Variants in RNF17 observed in about 807,000 individuals in gnomAD.
RNF17 encodes the protein spermatogenesis associated 23.
In RNF17, 31 loss-of-function variants were observed where a neutral mutation model predicts 200.5. The observed-to-expected ratio is 0.15, with a 90% CI of 0.12 to 0.21. The LOEUF (loss-of-function observed/expected upper bound fraction) is 0.21, where lower values mean the gene tolerates loss of function less well. Among genes scored for constraint, RNF17 ranks in the 10% least tolerant of loss-of-function variants. RNF17 has a pLI of 1.00. For synonymous variants in RNF17, 606 were observed against 637.8 expected, an observed-to-expected ratio of 0.95 and a Z score of 0.75; for missense variants, 1,628 against 1,905.1, an observed-to-expected ratio of 0.85 and a Z score of 2.71.
chr13:24,793,746 T>G (rs1009006699), intron 10 of RNF17, among the ~76,000 whole-genome samples: 2 of 152,208 alleles, frequency 1.3e-5, no homozygotes, highest in African/African-American at 4.8e-5. Context: ...CTATCATGAT[T>G]ACAATGTTAT....
chr13:24,818,959 C>G (rs1385715059), intron 15 of RNF17, among the ~76,000 whole-genome samples: 2 of 151,966 alleles, frequency 1.3e-5, no homozygotes, highest in Non-Finnish European at 2.9e-5. Flanking sequence ...TTCCTTCTTT[C>G]CTCCATTAGA....
chr13:24,869,934 A>ATTTTTTTT (rs34196797), intron 31 of RNF17, among the ~76,000 whole-genome samples: 2 of 83,756 alleles, frequency 2.4e-5, no homozygotes, highest in Non-Finnish European at 4.3e-5. Context: ...TGCCCAGCTA[A>ATTTTTTTT]TTTTTTTTTT....
chr13:24,866,044 C>A, intron 29 of RNF17, 100 bp from the exon 30 acceptor site: 1 of 686,032 alleles, frequency 1.5e-6, no homozygotes, highest in Non-Finnish European at 2.6e-6. Flanking sequence ...AAATGAATAC[C>A]AACAAGGAAA....
chr13:24,768,960 C>T (rs1228179907), intron 2 of RNF17, among the ~76,000 whole-genome samples: 2 of 149,658 alleles, frequency 1.3e-5, no homozygotes, highest in Admixed American at 1.3e-4. Context: ...TTAGTAGCTG[C>T]CTATTTTGTG....
At chr13:24,782,306 G>T (rs1430619459) in intron 6 of RNF17, among the ~76,000 whole-genome samples, 1 of 151,826 alleles carries the variant, frequency 6.6e-6, no homozygotes, top group East Asian at 1.9e-4. Flanking sequence ...CTTCAAAGTA[G>T]CTGGAACTAC....
rs1253553097 is a variant in RNF17, at chr13:24,783,368, G to T, written c.611+1424G>T. ...GTTCCTTTTCAAGATTGTTTCTCAGGGTCTCTTAAGATTTCATAGGACTTT... is the reference window on the plus strand; with the variant it reads ...GTTCCTTTTCAAGATTGTTTCTCAGTGTCTCTTAAGATTTCATAGGACTTT... On this transcript the variant is annotated intron_variant, in intron 6 of 35. Coordinates refer to ENST00000255324, the MANE Select transcript of RNF17 (RefSeq NM_031277.3). Among the ~76,000 whole-genome samples, 6 of 152,098 alleles carry T rather than the reference G, an allele frequency of 3.9e-5. No homozygotes were observed. The East Asian group carries it at 9.6e-4, about 24-fold the overall frequency.
At chr13:24,831,112 G>T (rs1475693078) in intron 17 of RNF17, among the ~76,000 whole-genome samples, 3 of 152,086 alleles carry the variant, frequency 2.0e-5, no homozygotes, top group African/African-American at 7.2e-5. Context: ...TTTCATTTTA[G>T]GAAGTGTGTA....
chr13:24,835,241 C>T (rs9511467), intron 18 of RNF17, among the ~76,000 whole-genome samples: 1 of 151,618 alleles, frequency 6.6e-6, no homozygotes, highest in African/African-American at 2.4e-5. Context: ...CCCTACCCCC[C>T]CTGGTAGCTG....
chr13:24,816,142 C>T (rs1255356263), intron 15 of RNF17, among the ~76,000 whole-genome samples: 1 of 152,164 alleles, frequency 6.6e-6, no homozygotes, highest in Non-Finnish European at 1.5e-5. Flanking sequence ...TGAAGTGATC[C>T]TTTCACCTTA....
At chr13:24,872,571 C>T (rs1894412827) in intron 32 of RNF17, among the ~76,000 whole-genome samples, 1 of 151,930 alleles carries the variant, frequency 6.6e-6, no homozygotes, top group African/African-American at 2.4e-5. Flanking sequence ...GTATCAGGTA[C>T]CGTGTTAGGA....
chr13:24,884,794 C>G (rs1953964585), downstream of RNF17, among the ~76,000 whole-genome samples: 2 of 152,182 alleles, frequency 1.3e-5, no homozygotes, highest in African/African-American at 4.8e-5. Flanking sequence ...CACTCCAACC[C>G]TATAATTTCA....
At chr13:24,872,204 C>A (rs537894970) in intron 32 of RNF17, among the ~76,000 whole-genome samples, 4 of 152,036 alleles carry the variant, frequency 2.6e-5, no homozygotes, top group South Asian at 4.2e-4. Flanking sequence ...AGATGATCTG[C>A]CCACCTCGGC....
At chr13:24,883,169 G>A (rs1162613988), downstream of RNF17, 4 of 1,611,800 alleles carry the variant, frequency 2.5e-6, no homozygotes. Context: ...ATGATCACAT[G>A]AGGATCGTCA....
At chr13:24,749,408 A>C in the RNF17 span, among the ~76,000 whole-genome samples, 119 of 147,404 alleles carry the variant, frequency 8.1e-4, no homozygotes, top group African/African-American at 2.8e-3. Context: ...GGTTCAAGCA[A>C]TTCTCCTTCC....
intron 16 of RNF17, among the ~76,000 whole-genome samples, chr13:24,827,087 G>GC (rs1566187419): frequency 6.6e-6 from 1 of 151,554 alleles, no homozygotes; most frequent in African/African-American, 2.4e-5. Flanking sequence ...AAGTCACCAC[G>GC]CCCGGCTAAT....
At chr13:24,850,772 G>GA (rs1485272674) in intron 23 of RNF17, among the ~76,000 whole-genome samples, 3 of 151,982 alleles carry the variant, frequency 2.0e-5, no homozygotes, top group Non-Finnish European at 4.4e-5. Flanking sequence ...TTTTGTAGGA[G>GA]AAAAAAGGCA....
intron 2 of RNF17, among the ~76,000 whole-genome samples, chr13:24,771,126 G>A (rs558184151): frequency 6.6e-6 from 1 of 151,914 alleles, no homozygotes; most frequent in African/African-American, 2.4e-5. Context: ...CTTTTGAATT[G>A]TCTTTTTCCT....
Position 24,868,934 on chromosome 13 carries a change from G to A in RNF17, c.4278+218G>A, listed in dbSNP as rs1355491329. On this transcript the variant is annotated intron_variant, in intron 31 of 35. Transcript: ENST00000255324. ...CCTACTGGGTTCCTGGTGTTGTGCT[G>A]CTTTATTCAATGTTATGCTTACATC... is the stretch of plus-strand genomic sequence containing the variant. Among the ~76,000 whole-genome samples the A allele has an allele frequency of 2.6e-5, 4 of 152,164 alleles. No homozygotes were observed. The East Asian group carries it at 5.8e-4, about 22-fold the overall frequency.
Position 24,860,970 on chromosome 13 carries a change from C to T in RNF17, c.3775-298C>T, listed in dbSNP as rs115737278. Among the ~76,000 whole-genome samples the T allele has an allele frequency of 7.5e-3, 1,140 of 151,974 alleles. 14 individuals are homozygous for T. Among genetic ancestry groups the T allele is most frequent in the African/African-American group, 0.025 (1,043 of 41,454 alleles). On this transcript the variant is annotated intron_variant, in intron 26 of 35. Transcript: ENST00000255324. ...ACAGCTCATTGCAGCCTTGACCTCC[C>T]GGGCTTAGGCAGTCCTCCCACCTCA...
Sources: gnomAD v4.1 joint callset for allele counts (sites outside exome capture counted in the v4.1 genomes callset) on GRCh38, gnomAD v4.1.1 for gene constraint, MANE v1.5 for transcripts, NCBI Gene and HGNC (gene_info 2026-07-23, HGNC 2026-07-21) for gene names.